PID1: variants seen among roughly 807,000 people sequenced by gnomAD.
PID1 encodes PTB-containing, cubilin and LRP1-interacting protein.
In PID1, 10 loss-of-function variants were observed where a neutral mutation model predicts 19.1. The ratio of observed to expected loss-of-function variants is 0.52; its 90% CI spans 0.32 to 0.89. The LOEUF (loss-of-function observed/expected upper bound fraction) is 0.89. Among genes scored for constraint, PID1 ranks in the 40% least tolerant of loss-of-function variants. PID1 has a pLI of 0.03. For synonymous variants in PID1, 130 were observed against 116.0 expected (o/e 1.12, Z -0.78); for missense variants, 248 against 285.3 (o/e 0.87, Z 0.94).
At chr2:229,222,864 AAC>A (rs72386398) in intron 1 of PID1, among the ~76,000 whole-genome samples, 31,114 of 103,592 alleles carry the variant, frequency 0.3, 3,579 homozygotes, top group East Asian at 0.58. Context: ...TTCACACACA[AAC>A]ACACACACAC....
rs183821985 is a variant in PID1, at chr2:229,043,583, G to A, written c.178-17475C>T. ...TTTTAGTGAGAGTGTACTTGCACTG[G>A]TGCAAAAGTTTCAAATCATGATGGA... On this transcript the variant is annotated intron_variant, in intron 2 of 2. Coordinates refer to ENST00000392055, the MANE Select transcript of PID1 (RefSeq NM_001100818.2). 2.7e-3 allele frequency among the ~76,000 whole-genome samples: 405 copies of A among 152,296 alleles called. 4 individuals carry two copies. Among genetic ancestry groups the A allele is most frequent in the African/African-American group, 9.1e-3 (379 of 41,562 alleles).
chr2:229,180,959 C>G (rs1690931729), intron 1 of PID1, among the ~76,000 whole-genome samples: 1 of 152,234 alleles, frequency 6.6e-6, no homozygotes, highest in South Asian at 2.1e-4. Context: ...AGGCACGGGC[C>G]CCTCTCTCGG....
chr2:229,075,865 G>A (rs979772136), intron 2 of PID1, among the ~76,000 whole-genome samples: 1 of 152,090 alleles, frequency 6.6e-6, no homozygotes. Context: ...AATACCACTG[G>A]TACTTTCCTC....
At chr2:229,095,685 A>C (rs941064369) in intron 2 of PID1, among the ~76,000 whole-genome samples, 1 of 152,208 alleles carries the variant, frequency 6.6e-6, no homozygotes, top group Non-Finnish European at 1.5e-5. Flanking sequence ...CATATTGCAC[A>C]CAGCATAACA....
intron 2 of PID1, among the ~76,000 whole-genome samples, chr2:229,034,456 A>G (rs1391584766): frequency 5.3e-5 from 8 of 152,186 alleles, no homozygotes; most frequent in African/African-American, 1.9e-4. Context: ...CCAGAACTTG[A>G]ACCTGGACAG....
chr2:229,069,161 G>GTGTGTA (rs2106200419), intron 2 of PID1, among the ~76,000 whole-genome samples: 1 of 151,778 alleles, frequency 6.6e-6, no homozygotes, highest in African/African-American at 2.4e-5. Context: ...GTGTGTGTGT[G>GTGTGTA]TGTGTGTGTG....
At chr2:229,111,253 G>C (rs948004487) in intron 2 of PID1, among the ~76,000 whole-genome samples, 1 of 152,162 alleles carries the variant, frequency 6.6e-6, no homozygotes, top group African/African-American at 2.4e-5. Flanking sequence ...AAGGCATGGA[G>C]GGATGGCAAA....
chr2:229,213,986 C>T (rs762655134), intron 1 of PID1, among the ~76,000 whole-genome samples: 1 of 152,122 alleles, frequency 6.6e-6, no homozygotes, highest in African/African-American at 2.4e-5. Context: ...CCCTGTTATC[C>T]CATTCAGCTC....
chr2:229,038,349 G>A (rs1268766069), intron 2 of PID1, among the ~76,000 whole-genome samples: 1 of 152,154 alleles, frequency 6.6e-6, no homozygotes, highest in Non-Finnish European at 1.5e-5. Context: ...ATACCACTCA[G>A]CAATAAGAAG....
intron 2 of PID1, among the ~76,000 whole-genome samples, chr2:229,110,343 G>C (rs1413160185): frequency 6.6e-6 from 1 of 152,192 alleles, no homozygotes; most frequent in African/African-American, 2.4e-5. Context: ...ATGAGGACAA[G>C]AGTCATCCTA....
chr2:229,113,387 T>A (rs1284004042), intron 2 of PID1, among the ~76,000 whole-genome samples: 1 of 142,816 alleles, frequency 7.0e-6, no homozygotes, highest in Non-Finnish European at 1.5e-5. Flanking sequence ...TACTATTTTT[T>A]ATATATATTT....
At chr2:229,240,867 T>C (rs1015725669) in intron 1 of PID1, among the ~76,000 whole-genome samples, 5 of 152,170 alleles carry the variant, frequency 3.3e-5, no homozygotes, top group African/African-American at 1.2e-4. Flanking sequence ...TTGCTTGATG[T>C]GTCCCATATG....
At position 229,177,861 on chromosome 2, in the gene PID1, C is replaced by T. The variant is rs117059669; in HGVS notation, c.31-21897G>A. ...CGACAATGCTCTGAGGTAGGAACTACGGTTAAACCCATTTACAGTGGTCAA... is the reference window on the plus strand; with the variant it reads ...CGACAATGCTCTGAGGTAGGAACTATGGTTAAACCCATTTACAGTGGTCAA... On this transcript the variant is annotated intron_variant, in intron 1 of 2. Coordinates refer to ENST00000392055, the MANE Select transcript of PID1 (RefSeq NM_001100818.2). 5.1e-4 allele frequency among the ~76,000 whole-genome samples: 78 copies of T among 152,230 alleles called. 1 individual carries two copies. The East Asian group carries it at 0.013, about 25-fold the overall frequency.
At chr2:229,256,358 T>C (rs760237378) in intron 1 of PID1, among the ~76,000 whole-genome samples, 1 of 152,208 alleles carries the variant, frequency 6.6e-6, no homozygotes, top group Admixed American at 6.5e-5. Flanking sequence ...AGATTTTATA[T>C]ATTGAAGGAG....
At chr2:229,040,315 G>A (rs1327646558) in intron 2 of PID1, among the ~76,000 whole-genome samples, 4 of 135,400 alleles carry the variant, frequency 3.0e-5, no homozygotes, top group Non-Finnish European at 4.9e-5. Flanking sequence ...GCAAGACATC[G>A]TCAACAAACA....
At chr2:229,243,001 T>C (rs1305636010) in intron 1 of PID1, among the ~76,000 whole-genome samples, 1 of 152,056 alleles carries the variant, frequency 6.6e-6, no homozygotes, top group Non-Finnish European at 1.5e-5. Context: ...CTTATATTAG[T>C]CCATTCTCAC....
chr2:229,143,011 C>T lies in PID1; in HGVS notation c.177+12807G>A, dbSNP rs548391808. 2.3e-4 allele frequency among the ~76,000 whole-genome samples: 34 copies of T among 148,064 alleles called. 1 individual carries two copies. The South Asian group carries it at 5.0e-3, about 22-fold the overall frequency. Reference sequence around the variant, plus strand: ...CACATATACACCATGGAATACTATGCAGCCATAAAAAATGATGAGTTCATG... The same window carrying T: ...CACATATACACCATGGAATACTATGTAGCCATAAAAAATGATGAGTTCATG... On this transcript the variant is annotated intron_variant, in intron 2 of 2. Transcript: ENST00000392055.
intron 1 of PID1, among the ~76,000 whole-genome samples, chr2:229,239,304 G>T (rs115227847): frequency 0.013 from 2,033 of 152,212 alleles, 39 homozygotes; most frequent in African/African-American, 0.046. Context: ...TGTAGAAGAA[G>T]TTTATAGTCA....
At chr2:229,151,450 G>A (rs1690249930) in intron 2 of PID1, among the ~76,000 whole-genome samples, 1 of 152,198 alleles carries the variant, frequency 6.6e-6, no homozygotes, top group Non-Finnish European at 1.5e-5. Context: ...GTTGCCATGA[G>A]GATGAAATGG....
Sources: gnomAD v4.1 joint callset for allele counts (sites outside exome capture counted in the v4.1 genomes callset) on GRCh38, gnomAD v4.1.1 for gene constraint, MANE v1.5 for transcripts, NCBI Gene and HGNC (gene_info 2026-07-23, HGNC 2026-07-21) for gene names.